The following EML5 variants were observed in gnomAD, a reference collection of about 807,000 sequenced individuals.
The protein encoded by EML5 is EMAP like 5, also known as echinoderm microtubule-associated protein-like 5.
EML5 carries 120 observed loss-of-function variants against 250.0 expected under a neutral mutation model. That is an observed-to-expected ratio of 0.48 (90% CI 0.41 to 0.56). The LOEUF (loss-of-function observed/expected upper bound fraction) is 0.56. EML5 is among the 20% of genes least tolerant of loss of function. The pLI, the probability that EML5 is intolerant of heterozygous loss-of-function variation, is 0.00. For missense variants in EML5, 2,006 were observed against 2,437.6 expected (o/e 0.82, Z 3.73); for synonymous variants, 771 against 806.5 (o/e 0.96, Z 0.75).
intron 21 of EML5, among the ~76,000 whole-genome samples, chr14:88,673,629 C>T (rs2092524151): frequency 6.6e-6 from 1 of 152,114 alleles, no homozygotes; most frequent in Non-Finnish European, 1.5e-5. Flanking sequence ...CTAGAAAACC[C>T]CATTATCTCA....
At chr14:88,785,954 T>C (rs892232555) in intron 1 of EML5, among the ~76,000 whole-genome samples, 4 of 152,182 alleles carry the variant, frequency 2.6e-5, no homozygotes, top group African/African-American at 9.7e-5. Context: ...ATCCTCTCAA[T>C]AGCCTATAAA....
intron 1 of EML5, among the ~76,000 whole-genome samples, chr14:88,772,734 C>G (rs2094406838): frequency 6.6e-6 from 1 of 151,526 alleles, no homozygotes; most frequent in Non-Finnish European, 1.5e-5. Context: ...GCCTGGGCGA[C>G]AGGGCAAGAC....
chr14:88,792,427 T>C lies in EML5; in HGVS notation c.77A>G (p.Asn26Ser), dbSNP rs866543296. Residue 26 changes from asparagine to serine, a missense_variant, in exon 1 of 44, where the codon AAC becomes AGC. Asn to Ser is a conservative substitution (Grantham distance 46, BLOSUM62 1). Around this residue, in one of 7 missense-constraint regions of EML5, gnomAD observed 162 missense variants for 212.2 expected, o/e 0.76. Coordinates refer to ENST00000554922, the MANE Select transcript of EML5 (RefSeq NM_183387.3). The surrounding 1 kb of genome is among the most constrained non-coding windows in gnomAD (Gnocchi z 6.9). Reference protein sequence around the residue: ...VYGYRGHQCRNNLYYTAAKEI... With the variant: ...VYGYRGHQCRSNLYYTAAKEI... ...CTTGGCCGCAGTGTAGTAGAGGTTGTTGCGGCACTGGTGGCCCCGGTAGCC... is the reference window on the plus strand; with the variant it reads ...CTTGGCCGCAGTGTAGTAGAGGTTGCTGCGGCACTGGTGGCCCCGGTAGCC... 17 of 1,549,034 alleles carry C rather than the reference T, an allele frequency of 1.1e-5. No individual in the cohort carries two copies. The highest frequency in any genetic ancestry group is 1.4e-5 in the Non-Finnish European group (16 of 1,148,054).
chr14:88,693,148 ATGTCT>A lies in EML5; in HGVS notation c.2539+1154_2539+1158del, dbSNP rs541480862. 1.4e-3 allele frequency among the ~76,000 whole-genome samples: 219 copies of A among 152,302 alleles called. 2 individuals are homozygous for A. The highest frequency in any genetic ancestry group is 5.2e-3 in the African/African-American group (215 of 41,566). On this transcript the variant is annotated intron_variant, in intron 17 of 43. Transcript: ENST00000554922. ...TCATTTTCAGTTTAGACTATAGAACATGTCTTTAACAGAAGAAAAAGTCTGGACAT... is the reference window on the plus strand; with the variant it reads ...TCATTTTCAGTTTAGACTATAGAACATTAACAGAAGAAAAAGTCTGGACAT...
intron 1 of EML5, among the ~76,000 whole-genome samples, chr14:88,790,178 CTAAAT>C (rs1379661172): frequency 6.6e-6 from 1 of 152,110 alleles, no homozygotes; most frequent in Non-Finnish European, 1.5e-5. Context: ...TCACTGATTC[CTAAAT>C]TATATTCTCA....
intron 9 of EML5, 22 bp from the exon 10 acceptor site, chr14:88,712,505 A>C: frequency 6.3e-7 from 1 of 1,577,560 alleles, no homozygotes; most frequent in South Asian, 1.1e-5. Flanking sequence ...TCAGAGTCTT[A>C]ATTTAAAAAG....
chr14:88,697,075 A>C (rs2093096095), intron 14 of EML5, 123 bp from the exon 15 acceptor site: 1 of 658,086 alleles, frequency 1.5e-6, no homozygotes, highest in African/African-American at 1.9e-5. Flanking sequence ...TTATTAAATA[A>C]AAATTTAAAG....
intron 28 of EML5, 127 bp from the exon 29 acceptor site, chr14:88,647,082 TA>T (rs1444764392): frequency 2.5e-6 from 2 of 802,752 alleles, no homozygotes; most frequent in African/African-American, 3.6e-5. Context: ...TGCATAATAT[TA>T]AAGGCCTGTT....
At chr14:88,719,623 T>C (rs749601354) in intron 8 of EML5, among the ~76,000 whole-genome samples, 9 of 152,092 alleles carry the variant, frequency 5.9e-5, no homozygotes, top group African/African-American at 1.4e-4. Context: ...GTATATATAA[T>C]TTTCTACTTT....
At chr14:88,771,016 A>T in intron 1 of EML5, among the ~76,000 whole-genome samples, 1 of 152,320 alleles carries the variant, frequency 6.6e-6, no homozygotes, top group South Asian at 2.1e-4. Flanking sequence ...TAATCTCTAA[A>T]TTTATCATAA....
chr14:88,778,172 A>T (rs1248285224), intron 1 of EML5, among the ~76,000 whole-genome samples: 1 of 152,244 alleles, frequency 6.6e-6, no homozygotes, highest in East Asian at 1.9e-4. Flanking sequence ...AAACTAAATC[A>T]TATCACCAGA....
intron 13 of EML5, among the ~76,000 whole-genome samples, chr14:88,704,253 T>C (rs544922317): frequency 1.1e-3 from 166 of 152,262 alleles, no homozygotes; most frequent in African/African-American, 3.8e-3. Context: ...CCCCCTTCCC[T>C]TTCGATCCCT....
At chr14:88,736,157 T>C (rs1566725162) in intron 7 of EML5, among the ~76,000 whole-genome samples, 1 of 152,086 alleles carries the variant, frequency 6.6e-6, no homozygotes, top group Non-Finnish European at 1.5e-5. Flanking sequence ...CCCGCCACCA[T>C]GCCCAGCTAA....
intron 30 of EML5, among the ~76,000 whole-genome samples, chr14:88,643,232 A>G (rs1161469020): frequency 3.3e-5 from 5 of 152,136 alleles, no homozygotes; most frequent in African/African-American, 1.2e-4. Flanking sequence ...ATACTTTTCT[A>G]TATAAAGTTA....
intron 1 of EML5, among the ~76,000 whole-genome samples, chr14:88,766,930 C>T (rs2094328188): frequency 6.6e-6 from 1 of 152,184 alleles, no homozygotes; most frequent in African/African-American, 2.4e-5. Context: ...CGATAGCACA[C>T]AGTTATAACA....
chr14:88,624,070 T>G (rs1329775640), intron 36 of EML5: 1 of 152,242 alleles, frequency 6.6e-6, no homozygotes, highest in Non-Finnish European at 1.5e-5. Flanking sequence ...TGTCACATTT[T>G]TTTTTGTTTT....
intron 20 of EML5, among the ~76,000 whole-genome samples, chr14:88,684,617 T>C (rs901279419): frequency 6.6e-6 from 1 of 151,940 alleles, no homozygotes; most frequent in African/African-American, 2.4e-5. Flanking sequence ...AAATATACCT[T>C]ATATAAATAA....
chr14:88,685,512 G>A (rs912853830), intron 19 of EML5, among the ~76,000 whole-genome samples: 2 of 152,076 alleles, frequency 1.3e-5, no homozygotes, highest in Non-Finnish European at 2.9e-5. Context: ...AGTATCCTTG[G>A]GGGATTGATT....
intron 17 of EML5, among the ~76,000 whole-genome samples, chr14:88,688,778 TA>T (rs1313375409): frequency 6.6e-6 from 1 of 152,232 alleles, no homozygotes; most frequent in Admixed American, 6.5e-5. Flanking sequence ...AAAAGGCATT[TA>T]AAAACCCCAA....
Sources: gnomAD v4.1 joint callset for allele counts (sites outside exome capture counted in the v4.1 genomes callset) on GRCh38, gnomAD v4.1.1 for gene constraint, gnomAD v4.1.1 regional missense constraint, Gnocchi (gnomAD v3.1) non-coding constraint, MANE v1.5 for transcripts, NCBI Gene and HGNC (gene_info 2026-07-23, HGNC 2026-07-21) for gene names.